The following TOPAZ1 variants were observed in gnomAD, a reference collection of about 807,000 sequenced individuals.
TOPAZ1 encodes testis and ovary specific TOPAZ 1, also known as protein TOPAZ1.
Under a neutral mutation model 172.2 loss-of-function variants are expected in TOPAZ1, and 66 were observed. The observed-to-expected ratio is 0.38, with a 90% CI of 0.31 to 0.47. The LOEUF (loss-of-function observed/expected upper bound fraction) is 0.47, where lower values mean the gene tolerates loss of function less well. Ranked by LOEUF, TOPAZ1 falls within the 20% of genes least tolerant of loss-of-function variation. The pLI is 0.99. For missense variants in TOPAZ1, 1,822 were observed against 1,972.4 expected, an observed-to-expected ratio of 0.92 and a Z score of 1.44; for synonymous variants, 681 against 683.9, an observed-to-expected ratio of 1.00 and a Z score of 0.07.
intron 12 of TOPAZ1, among the ~76,000 whole-genome samples, chr3:44,303,693 C>A (rs1269682264): frequency 6.6e-6 from 1 of 152,058 alleles, no homozygotes; most frequent in African/African-American, 2.4e-5. Flanking sequence ...CAGTAGAGAT[C>A]ATGTGCCAGG....
chr3:44,303,766 A>G (rs956444291), intron 12 of TOPAZ1, among the ~76,000 whole-genome samples: 2 of 152,138 alleles, frequency 1.3e-5, no homozygotes, highest in Non-Finnish European at 2.9e-5. Flanking sequence ...TCCTCTGTCT[A>G]CAAGTTAGGC....
At chr3:44,336,623 C>G (rs1700730173), downstream of TOPAZ1, among the ~76,000 whole-genome samples, 1 of 152,198 alleles carries the variant, frequency 6.6e-6, no homozygotes, top group South Asian at 2.1e-4. Flanking sequence ...CGCCCTCACC[C>G]TCACCCTCGT....
intron 5 of TOPAZ1, among the ~76,000 whole-genome samples, chr3:44,266,443 A>G (rs759967118): frequency 3.9e-5 from 6 of 152,272 alleles, no homozygotes; most frequent in Non-Finnish European, 8.8e-5. Context: ...TTCCTCACTA[A>G]GCTTAATCAT....
At chr3:44,278,372 G>T (rs1218323397) in intron 8 of TOPAZ1, among the ~76,000 whole-genome samples, 1 of 152,126 alleles carries the variant, frequency 6.6e-6, no homozygotes, top group Non-Finnish European at 1.5e-5. Flanking sequence ...TTTGTTATCA[G>T]GGTAATGCTG....
At chr3:44,325,535 C>T (rs551176170) in intron 18 of TOPAZ1, among the ~76,000 whole-genome samples, 2 of 152,326 alleles carry the variant, frequency 1.3e-5, no homozygotes, top group East Asian at 1.9e-4. Context: ...TCTCCTCTTC[C>T]ACCCTAGTCC....
downstream of TOPAZ1, among the ~76,000 whole-genome samples, chr3:44,334,185 C>T (rs945852395): frequency 6.6e-6 from 1 of 152,160 alleles, no homozygotes; most frequent in Non-Finnish European, 1.5e-5. Context: ...GGAGTTTTGC[C>T]TGCAGATAGT....
At chr3:44,264,333 A>C (rs1699805892) in intron 5 of TOPAZ1, among the ~76,000 whole-genome samples, 1 of 132,526 alleles carries the variant, frequency 7.5e-6, no homozygotes, top group African/African-American at 3.0e-5. Flanking sequence ...AAAATGAGTC[A>C]TATGAATTTT....
rs1396885511 is a variant in TOPAZ1, at chr3:44,243,643, T to C, written c.1137T>C (p.Asn379=). The change falls in exon 2 of 20, where the codon AAT becomes AAC. Residue 379 remains asparagine, a synonymous_variant. Transcript: ENST00000309765. ...GKEAETKSPL[N]VLRKVSHNTV... is the part of the protein sequence containing the mutation. ...AAGCAGAGACTAAAAGTCCTTTAAA[T>C]GTTTTGAGAAAAGTAAGCCATAATA... is the stretch of plus-strand genomic sequence containing the variant. 1.9e-6 allele frequency: 3 copies of C among 1,549,952 alleles called. No individual in the cohort carries two copies. The highest frequency in any genetic ancestry group is 2.0e-5 in the Admixed American group (1 of 50,970).
chr3:44,299,768 A>G (rs1256287365), intron 12 of TOPAZ1, among the ~76,000 whole-genome samples: 1 of 149,732 alleles, frequency 6.7e-6, no homozygotes, highest in African/African-American at 2.4e-5. Context: ...AATACTATGC[A>G]GCCATAAAAA....
At chr3:44,268,835 G>T (rs1318939585) in intron 6 of TOPAZ1, among the ~76,000 whole-genome samples, 1 of 152,110 alleles carries the variant, frequency 6.6e-6, no homozygotes, top group African/African-American at 2.4e-5. Context: ...TGGGGACACA[G>T]TTCAGTCCAT....
intron 18 of TOPAZ1, among the ~76,000 whole-genome samples, chr3:44,326,571 A>T (rs1700603067): frequency 6.6e-6 from 1 of 152,130 alleles, no homozygotes; most frequent in African/African-American, 2.4e-5. Flanking sequence ...CTGGATACAA[A>T]TCCCTTGTCA....
intron 4 of TOPAZ1, among the ~76,000 whole-genome samples, chr3:44,258,031 C>CT (rs948649709): frequency 4.6e-5 from 7 of 151,770 alleles, no homozygotes; most frequent in Non-Finnish European, 8.8e-5. Context: ...TCCTATGTTG[C>CT]TTTTTTGTTT....
chr3:44,262,536 T>C, intron 5 of TOPAZ1, 53 bp downstream of exon 5: 2 of 955,424 alleles, frequency 2.1e-6, no homozygotes, highest in Non-Finnish European at 3.1e-6. Flanking sequence ...TCATCTAATT[T>C]ATATCTTGAG....
rs1239536879 is a variant in TOPAZ1, at chr3:44,262,461, A to G, written c.2998A>G (p.Asn1000Asp). The G allele has an allele frequency of 6.8e-7, 1 of 1,479,208 alleles. No homozygotes were observed. The highest frequency in any genetic ancestry group is 9.2e-7 in the Non-Finnish European group (1 of 1,085,608). 91.6% of individuals were successfully genotyped at this position (1,479,208 alleles called of 1,614,324 possible). The stretch of plus-strand genomic sequence containing the variant: ...AGTGATTACCAAAGAAGAAAAAGAA[A>G]ATATTTATGAAGTTTGCAAAAGGTC... ...DKVITKEEKE[N>D]IYEVCKSKDS... The change falls in exon 5 of 20, where the codon AAT becomes GAT. Residue 1000 changes from asparagine to aspartate, a missense_variant. Physicochemically the swap from Asn to Asp is conservative, Grantham distance 23. This residue lies in a region of TOPAZ1 where 1,489 missense variants were observed against 1,490.8 expected (regional missense o/e 1.00). Transcript: ENST00000309765.
intron 15 of TOPAZ1, among the ~76,000 whole-genome samples, chr3:44,307,113 C>T (rs1253235401): frequency 6.6e-6 from 1 of 152,160 alleles, no homozygotes; most frequent in Non-Finnish European, 1.5e-5. Flanking sequence ...GCCTCCGCCT[C>T]CCAGGTTCAA....
At position 44,243,840 on chromosome 3, in the gene TOPAZ1, A is replaced by T. The variant is rs1439042234; in HGVS notation, c.1334A>T (p.Asp445Val). The T allele has an allele frequency of 7.7e-6, 12 of 1,551,598 alleles. No homozygotes were observed. The highest frequency in any genetic ancestry group is 1.7e-4 in the Middle Eastern group (1 of 6,016). The change falls in exon 2 of 20, where the codon GAT becomes GTT. Residue 445 changes from aspartate (D) to valine (V), a missense_variant. Asp to Val is a radical substitution (Grantham distance 152, BLOSUM62 -3). Around this residue, in one of 2 missense-constraint regions of TOPAZ1, gnomAD observed 1,489 missense variants for 1,490.8 expected, o/e 1.00. Transcript: ENST00000309765. ...TATGAAAGCATGGCATCGAAAGAGG[A>T]TTTTAAATCGATGAAAAGCTTCATA... ...LGYESMASKEDFKSMKSFIGK... is the reference protein window; with the variant it reads ...LGYESMASKEVFKSMKSFIGK...
rs866152619 is a variant in TOPAZ1, at chr3:44,332,048, G to A, written c.*37G>A. The A allele has an allele frequency of 3.0e-6, 4 of 1,329,106 alleles. No homozygotes were observed. 82.3% of individuals were successfully genotyped at this position (1,329,106 alleles called of 1,614,324 possible). ...TGCTTTTTTTTTTTTTTTAGTTCAA[G>A]TAATCATTGTTGAAAATAAAAGGCA... On this transcript the variant is annotated 3_prime_UTR_variant, in exon 20 of 20. Transcript: ENST00000309765.
chr3:44,244,826 A>C lies in TOPAZ1; in HGVS notation c.2320A>C (p.Thr774Pro), dbSNP rs188815711. Residue 774 changes from threonine (T) to proline (P), a missense_variant, in exon 2 of 20, where the codon ACA becomes CCA. Physicochemically the swap from Thr to Pro is conservative, Grantham distance 38. This residue lies in a region of TOPAZ1 where 1,489 missense variants were observed against 1,490.8 expected (regional missense o/e 1.00). Coordinates refer to ENST00000309765, the MANE Select transcript of TOPAZ1 (RefSeq NM_001145030.2). ...ATCCTATAGTATTTCTCCAAGCTTT[A>C]CAAAGCAAGGTAACAATAGCAAACC... ...KKSYSISPSF[T>P]KQGNNSKPSN... 292 of 1,551,700 alleles carry C rather than the reference A, an allele frequency of 1.9e-4. No individual in the cohort carries two copies. The highest frequency in any genetic ancestry group is 2.4e-4 in the Non-Finnish European group (276 of 1,147,000).
At position 44,241,996 on chromosome 3, in the gene TOPAZ1, C is replaced by G; in HGVS notation, c.-58C>G. Reference sequence around the variant, plus strand: ...CTCCAGGCGGGAGCAGCGTTTGCACCGCGGTGGGTTCCTGCGAGCTGGTGC... The same window carrying G: ...CTCCAGGCGGGAGCAGCGTTTGCACGGCGGTGGGTTCCTGCGAGCTGGTGC... On this transcript the variant is annotated 5_prime_UTR_variant, in exon 1 of 20. Transcript: ENST00000309765. The G allele has an allele frequency of 6.8e-7, 1 of 1,480,544 alleles. No homozygotes were observed. Among genetic ancestry groups the G allele is most frequent in the South Asian group, 1.2e-5 (1 of 81,606 alleles). The allele number at this position is 1,480,544 out of a possible 1,614,324, so 91.7% of individuals were successfully genotyped here. A position where few individuals can be genotyped will look rare whatever the true frequency, so the allele number is the denominator to read the frequency against.
Sources: gnomAD v4.1 joint callset for allele counts (sites outside exome capture counted in the v4.1 genomes callset) on GRCh38, gnomAD v4.1.1 for gene constraint, gnomAD v4.1.1 regional missense constraint, MANE v1.5 for transcripts, NCBI Gene and HGNC (gene_info 2026-07-23, HGNC 2026-07-21) for gene names.